ARL8B: variants seen among roughly 807,000 people sequenced by gnomAD.
ARL8B encodes the protein ADP-ribosylation factor-like protein 8B.
ARL8B carries 9 observed loss-of-function variants against 30.6 expected under a neutral mutation model. The ratio of observed to expected loss-of-function variants is 0.29; its 90% CI spans 0.18 to 0.51. The LOEUF (loss-of-function observed/expected upper bound fraction) is 0.51, where lower values mean the gene tolerates loss of function less well. Among genes scored for constraint, ARL8B ranks in the 20% least tolerant of loss-of-function variants. The pLI is 0.97. For missense variants in ARL8B, 130 were observed against 227.2 expected, an observed-to-expected ratio of 0.57 and a Z score of 2.75; for synonymous variants, 74 against 76.0, an observed-to-expected ratio of 0.97 and a Z score of 0.14.
intron 1 of ARL8B, chr3:5,128,483 G>A (rs1280758395): frequency 4.4e-6 from 2 of 454,888 alleles, no homozygotes; most frequent in Non-Finnish European, 8.8e-6. Flanking sequence ...AAAGCCAAAT[G>A]TTCTCATTAA....
rs997411531 is a variant in ARL8B, at chr3:5,179,644, CTT to C, written c.*932_*933del. The C allele has an allele frequency of 3.9e-5, 6 of 152,656 alleles. No homozygotes were observed. The highest frequency in any genetic ancestry group is 1.2e-4 in the African/African-American group (5 of 41,464). 9.5% of individuals were successfully genotyped at this position (152,656 alleles called of 1,614,324 possible). On this transcript the variant is annotated 3_prime_UTR_variant, in exon 7 of 7. Transcript: ENST00000256496. ...TAAATCAGTGCTGCTGCATGACACT[CTT>C]AACTCCTGACTTTTTATATCCAGTC...
intron 1 of ARL8B, among the ~76,000 whole-genome samples, chr3:5,154,483 C>T (rs769236621): frequency 5.3e-5 from 8 of 151,402 alleles, no homozygotes; most frequent in Non-Finnish European, 1.2e-4. Context: ...TATAGGCATC[C>T]ACTACCATGC....
chr3:5,136,238 G>A (rs1213343263), intron 1 of ARL8B, among the ~76,000 whole-genome samples: 6 of 152,088 alleles, frequency 3.9e-5, no homozygotes, highest in African/African-American at 1.4e-4. Flanking sequence ...ATGTTTTCAC[G>A]TAAGGCATTA....
intron 1 of ARL8B, among the ~76,000 whole-genome samples, chr3:5,159,047 G>A (rs1049700139): frequency 6.1e-5 from 9 of 147,808 alleles, no homozygotes; most frequent in South Asian, 2.2e-4. Context: ...TCACTTGAGC[G>A]CAGGAGTTCG....
intron 1 of ARL8B, among the ~76,000 whole-genome samples, chr3:5,162,205 A>T (rs1022590705): frequency 6.6e-6 from 1 of 152,242 alleles, no homozygotes; most frequent in Non-Finnish European, 1.5e-5. Flanking sequence ...AATGCATAGT[A>T]TGAGAGCTAT....
chr3:5,130,093 A>T (rs1575558268), intron 1 of ARL8B, among the ~76,000 whole-genome samples: 1 of 151,984 alleles, frequency 6.6e-6, no homozygotes, highest in South Asian at 2.1e-4. Context: ...CGAACTCCTG[A>T]CCTCAGGTGA....
At chr3:5,145,167 T>A (rs936332320) in intron 1 of ARL8B, among the ~76,000 whole-genome samples, 3 of 152,096 alleles carry the variant, frequency 2.0e-5, no homozygotes, top group African/African-American at 7.2e-5. Context: ...TAAGGTCAGG[T>A]TTAGCTTTGA....
At chr3:5,162,617 A>G (rs1365101222) in intron 1 of ARL8B, among the ~76,000 whole-genome samples, 1 of 152,224 alleles carries the variant, frequency 6.6e-6, no homozygotes, top group African/African-American at 2.4e-5. Flanking sequence ...TCACTAAGGA[A>G]TTTTGAAGTA....
intron 1 of ARL8B, among the ~76,000 whole-genome samples, chr3:5,146,589 A>G (rs2054420885): frequency 6.6e-6 from 1 of 152,094 alleles, no homozygotes; most frequent in African/African-American, 2.4e-5. Flanking sequence ...ATCGACACAT[A>G]GGGATTATTT....
intron 1 of ARL8B, among the ~76,000 whole-genome samples, chr3:5,126,922 G>C (rs1156409818): frequency 2.6e-5 from 4 of 152,042 alleles, no homozygotes; most frequent in Non-Finnish European, 2.9e-5. Flanking sequence ...TATCTAATAG[G>C]ATTTGCCAAA....
At chr3:5,129,484 A>G (rs1347797900) in intron 1 of ARL8B, among the ~76,000 whole-genome samples, 1 of 152,178 alleles carries the variant, frequency 6.6e-6, no homozygotes, top group Non-Finnish European at 1.5e-5. Flanking sequence ...TTTGTGTTTA[A>G]TATATTTTAA....
chr3:5,174,521 G>T, intron 6 of ARL8B, 107 bp downstream of exon 6: 1 of 753,858 alleles, frequency 1.3e-6, no homozygotes, highest in Non-Finnish European at 2.3e-6. Context: ...TTCCTTTTCA[G>T]AATACTGTTG....
chr3:5,161,223 A>G (rs1235373069), intron 1 of ARL8B, among the ~76,000 whole-genome samples: 1 of 152,226 alleles, frequency 6.6e-6, no homozygotes, highest in Non-Finnish European at 1.5e-5. Flanking sequence ...AGTTATCTTG[A>G]AAAAATAAAT....
At chr3:5,169,483 C>T (rs2054652276) in intron 1 of ARL8B, among the ~76,000 whole-genome samples, 1 of 151,636 alleles carries the variant, frequency 6.6e-6, no homozygotes, top group Non-Finnish European at 1.5e-5. Context: ...TTTTTCATAG[C>T]AGCTATACCA....
intron 1 of ARL8B, among the ~76,000 whole-genome samples, chr3:5,150,246 T>C (rs903486643): frequency 1.6e-4 from 25 of 152,074 alleles, no homozygotes; most frequent in African/African-American, 5.6e-4. Context: ...GGGGATCACC[T>C]GAGGTTGAGA....
intron 1 of ARL8B, among the ~76,000 whole-genome samples, chr3:5,144,760 T>G (rs2054403904): frequency 6.6e-6 from 1 of 152,234 alleles, no homozygotes; most frequent in African/African-American, 2.4e-5. Flanking sequence ...TAGTGTTACC[T>G]TTCTGATGAC....
rs1263978875 is a variant in ARL8B, at chr3:5,141,448, T to C, written c.123+18860T>C. Among the ~76,000 whole-genome samples, 3 of 152,212 alleles carry C rather than the reference T, an allele frequency of 2.0e-5. No homozygotes were observed. In the East Asian group the frequency reaches 5.8e-4, roughly 29 times the overall value. ...TTTTGCTGGTAACTTATTGGCATTGTTTATTAATAGCTGTTTTAATTAATC... is the reference window on the plus strand; with the variant it reads ...TTTTGCTGGTAACTTATTGGCATTGCTTATTAATAGCTGTTTTAATTAATC... On this transcript the variant is annotated intron_variant, in intron 1 of 6. Coordinates refer to ENST00000256496, the MANE Select transcript of ARL8B (RefSeq NM_018184.3).
At chr3:5,167,978 A>C (rs2054638832) in intron 1 of ARL8B, among the ~76,000 whole-genome samples, 1 of 152,216 alleles carries the variant, frequency 6.6e-6, no homozygotes, top group Non-Finnish European at 1.5e-5. Flanking sequence ...AGGTCCATAA[A>C]GTAATTATTG....
At chr3:5,137,038 G>T (rs1299426809) in intron 1 of ARL8B, among the ~76,000 whole-genome samples, 1 of 152,112 alleles carries the variant, frequency 6.6e-6, no homozygotes, top group East Asian at 1.9e-4. Flanking sequence ...TGTAATTGTT[G>T]ACTTAAATAG....
Sources: gnomAD v4.1 joint callset for allele counts (sites outside exome capture counted in the v4.1 genomes callset) on GRCh38, gnomAD v4.1.1 for gene constraint, MANE v1.5 for transcripts, NCBI Gene and HGNC (gene_info 2026-07-23, HGNC 2026-07-21) for gene names.